Variants in ST8SIA6 observed in about 807,000 individuals in gnomAD.
ST8SIA6 encodes ST8 alpha-N-acetyl-neuraminide alpha-2,8-sialyltransferase 6.
A neutral mutation model predicts 33.6 loss-of-function variants in ST8SIA6; 39 were observed. The observed-to-expected ratio is 1.16, with a 90% CI of 0.90 to 1.52. The LOEUF (loss-of-function observed/expected upper bound fraction) is 1.52, where lower values mean the gene tolerates loss of function less well. Among genes scored for constraint, ST8SIA6 ranks in the 40% most tolerant of loss-of-function variants. ST8SIA6 has a pLI of 0.00. For synonymous variants in ST8SIA6, 172 were observed against 167.2 expected (o/e 1.03, Z -0.22); for missense variants, 441 against 443.8 (o/e 0.99, Z 0.06).
At chr10:17,369,450 C>G (rs1243934341) in intron 3 of ST8SIA6, among the ~76,000 whole-genome samples, 3 of 152,068 alleles carry the variant, frequency 2.0e-5, no homozygotes, top group Non-Finnish European at 2.9e-5. Context: ...TGTATTATTT[C>G]TATTCTTTTA....
intron 4 of ST8SIA6, among the ~76,000 whole-genome samples, chr10:17,348,402 A>G (rs1379915986): frequency 6.6e-6 from 1 of 152,172 alleles, no homozygotes. Flanking sequence ...TATTTATGCC[A>G]CTGTCTTTTA....
intron 2 of ST8SIA6, among the ~76,000 whole-genome samples, chr10:17,393,976 T>C (rs1022184371): frequency 1.3e-5 from 2 of 152,190 alleles, no homozygotes; most frequent in African/African-American, 4.8e-5. Context: ...GATTTGTTTA[T>C]TTCCCATTTG....
intron 2 of ST8SIA6, among the ~76,000 whole-genome samples, chr10:17,419,453 G>C (rs114315797): frequency 6.6e-4 from 101 of 152,094 alleles, no homozygotes; most frequent in Non-Finnish European, 1.2e-3. Context: ...GATGGCTTGA[G>C]GGGGAGGATG....
chr10:17,330,187 G>C (rs976546065), intron 5 of ST8SIA6, among the ~76,000 whole-genome samples: 1 of 152,174 alleles, frequency 6.6e-6, no homozygotes, highest in African/African-American at 2.4e-5. Context: ...GCAGTTCCCA[G>C]TTACATACAT....
intron 3 of ST8SIA6, among the ~76,000 whole-genome samples, chr10:17,378,005 C>G (rs1849976720): frequency 6.6e-6 from 1 of 152,144 alleles, no homozygotes; most frequent in African/African-American, 2.4e-5. Flanking sequence ...CATGCCTGCT[C>G]TCTCTAGACC....
chr10:17,445,884 C>G (rs1227960172), intron 2 of ST8SIA6, among the ~76,000 whole-genome samples: 6 of 152,136 alleles, frequency 3.9e-5, no homozygotes, highest in Admixed American at 1.3e-4. Flanking sequence ...CCATTCCTGG[C>G]AGCAGCGGCA....
intron 5 of ST8SIA6, among the ~76,000 whole-genome samples, chr10:17,330,118 T>C (rs1407639740): frequency 6.6e-6 from 1 of 152,176 alleles, no homozygotes; most frequent in Non-Finnish European, 1.5e-5. Context: ...CTGTATTGAC[T>C]GCAGAATTTC....
chr10:17,334,963 A>G (rs1177906504), intron 4 of ST8SIA6, among the ~76,000 whole-genome samples: 1 of 152,226 alleles, frequency 6.6e-6, no homozygotes, highest in Non-Finnish European at 1.5e-5. Context: ...TTAAAGTCAA[A>G]GAGATTTCTG....
intron 2 of ST8SIA6, among the ~76,000 whole-genome samples, chr10:17,436,083 G>A (rs1852244845): frequency 1.3e-5 from 2 of 152,154 alleles, no homozygotes; most frequent in Admixed American, 1.3e-4. Context: ...ATCACCTGCT[G>A]CGACTCTAAG....
rs569366367 is a variant in ST8SIA6, at chr10:17,331,467, C to T, written c.463G>A (p.Glu155Lys). The T allele has an allele frequency of 1.7e-5, 28 of 1,613,620 alleles. 1 individual carries two copies. In the Admixed American group the frequency reaches 2.7e-4, roughly 15 times the overall value. Residue 155 changes from glutamate to lysine, a missense_variant, in exon 5 of 8, where the codon GAG (glutamate) becomes AAG (lysine). Glu to Lys is a moderately conservative substitution (Grantham distance 56). Transcript: ENST00000377602. ...NTPVGTNMSYEVESKKEIPIK... is the reference protein window; with the variant it reads ...NTPVGTNMSYKVESKKEIPIK... ...GGGATTTCTTTTTTGCTTTCCACCTCGTAACTCATATTAGTCCCAACTGGA... is the reference window on the plus strand; with the variant it reads ...GGGATTTCTTTTTTGCTTTCCACCTTGTAACTCATATTAGTCCCAACTGGA...
At chr10:17,344,934 A>G (rs1242785710) in intron 4 of ST8SIA6, among the ~76,000 whole-genome samples, 2 of 152,242 alleles carry the variant, frequency 1.3e-5, no homozygotes, top group Non-Finnish European at 2.9e-5. Flanking sequence ...TCACGTGGAC[A>G]TGAATGGATA....
intron 2 of ST8SIA6, among the ~76,000 whole-genome samples, chr10:17,441,337 G>A (rs909636605): frequency 4.7e-5 from 4 of 85,304 alleles, no homozygotes; most frequent in East Asian, 2.9e-4. Flanking sequence ...TATTTGAGAC[G>A]GAGTCTCGCT....
intron 3 of ST8SIA6, among the ~76,000 whole-genome samples, chr10:17,366,293 A>G (rs930568646): frequency 2.0e-5 from 3 of 152,220 alleles, no homozygotes; most frequent in Non-Finnish European, 2.9e-5. Context: ...TATTTTCTCC[A>G]TATCTTTAAA....
chr10:17,440,471 G>A (rs1485866839), intron 2 of ST8SIA6, among the ~76,000 whole-genome samples: 1 of 152,134 alleles, frequency 6.6e-6, no homozygotes, highest in African/African-American at 2.4e-5. Flanking sequence ...CTCCCAAAGT[G>A]CTGGGATTAC....
At chr10:17,411,243 G>C (rs1311689732) in intron 2 of ST8SIA6, among the ~76,000 whole-genome samples, 1 of 152,030 alleles carries the variant, frequency 6.6e-6, no homozygotes, top group African/African-American at 2.4e-5. Flanking sequence ...CTGGAGTGCA[G>C]TGCGATCTCG....
chr10:17,387,561 C>T (rs555644703), intron 3 of ST8SIA6, among the ~76,000 whole-genome samples: 2 of 152,106 alleles, frequency 1.3e-5, no homozygotes, highest in Admixed American at 1.3e-4. Flanking sequence ...GCCACCGCGC[C>T]GGGCCCAGAA....
At position 17,375,125 on chromosome 10, in the gene ST8SIA6, G is replaced by A. The variant is rs529411260; in HGVS notation, c.290+15406C>T. On this transcript the variant is annotated intron_variant, in intron 3 of 7. Coordinates refer to ENST00000377602, the MANE Select transcript of ST8SIA6 (RefSeq NM_001004470.3). ...CTCTGGAACTCTTAAAAACTGATGAGAAAAGGCAAGTTAAAAGGTCAGAGG... is the reference window on the plus strand; with the variant it reads ...CTCTGGAACTCTTAAAAACTGATGAAAAAAGGCAAGTTAAAAGGTCAGAGG... Among the ~76,000 whole-genome samples, 5 of 151,998 alleles carry A rather than the reference G, an allele frequency of 3.3e-5. No homozygotes were observed. The East Asian group carries it at 9.8e-4, about 30-fold the overall frequency.
chr10:17,351,127 G>C (rs1020837702), intron 4 of ST8SIA6, among the ~76,000 whole-genome samples: 2 of 151,758 alleles, frequency 1.3e-5, no homozygotes, highest in African/African-American at 4.8e-5. Context: ...TCTTCTAATT[G>C]CTCTACTGGG....
chr10:17,405,696 A>T (rs1851229586), intron 2 of ST8SIA6, among the ~76,000 whole-genome samples: 2 of 151,570 alleles, frequency 1.3e-5, no homozygotes, highest in Admixed American at 6.6e-5. Flanking sequence ...AGCCTGGCCA[A>T]CATGGCAAAA....
Sources: allele counts gnomAD v4.1 joint callset (sites outside exome capture counted in the v4.1 genomes callset), GRCh38; gene constraint gnomAD v4.1.1; transcripts MANE v1.5; gene names NCBI Gene and HGNC (gene_info 2026-07-23, HGNC 2026-07-21).